ATF7IP2: variants seen among roughly 807,000 people sequenced by gnomAD.
ATF7IP2 encodes the protein activating transcription factor 7 interacting protein 2.
A neutral mutation model predicts 64.2 loss-of-function variants in ATF7IP2; 42 were observed. The ratio of observed to expected loss-of-function variants is 0.65; its 90% confidence interval spans 0.51 to 0.85. The LOEUF is 0.85. ATF7IP2 is among the 40% of genes least tolerant of loss of function. The pLI, the probability that ATF7IP2 is intolerant of heterozygous loss-of-function variation, is 0.00. For missense variants in ATF7IP2, 933 were observed against 784.2 expected (o/e 1.19, Z -2.27); for synonymous variants, 308 against 272.8 (o/e 1.13, Z -1.27).
At position 10,469,245 on chromosome 16, in the gene ATF7IP2, A is replaced by T. The variant is rs181014036; in HGVS notation, c.1353-2865A>T. Among the ~76,000 whole-genome samples, 9 of 152,284 alleles carry T rather than the reference A, an allele frequency of 5.9e-5. No individual in the cohort carries two copies. In the East Asian group the frequency reaches 1.5e-3, roughly 26 times the overall value. On this transcript the variant is annotated intron_variant, in intron 9 of 13. Coordinates refer to ENST00000562102, the MANE Select transcript of ATF7IP2 (RefSeq NM_001393719.1). ...TTGCCAATATATCAGTGAAAGAGGT[A>T]TAGAAAATGTTCAGTCTAAAGCATG... is the stretch of plus-strand genomic sequence containing the variant.
intron 1 of ATF7IP2, among the ~76,000 whole-genome samples, chr16:10,408,970 C>T (rs956828018): frequency 2.6e-5 from 4 of 152,166 alleles, no homozygotes; most frequent in African/African-American, 4.8e-5. Flanking sequence ...AACCAGCACT[C>T]GGGCAAAAGT....
intron 3 of ATF7IP2, among the ~76,000 whole-genome samples, chr16:10,422,824 C>A (rs1310495378): frequency 6.6e-6 from 1 of 152,234 alleles, no homozygotes. Context: ...ACATATGGCA[C>A]AATCAGGAGC....
At chr16:10,393,204 G>A (rs1234971194) in intron 1 of ATF7IP2, among the ~76,000 whole-genome samples, 1 of 151,578 alleles carries the variant, frequency 6.6e-6, no homozygotes, top group African/African-American at 2.4e-5. Flanking sequence ...CAGCTACTTG[G>A]GAGGCTGAGG....
At chr16:10,440,913 C>A (rs184325384) in intron 8 of ATF7IP2, among the ~76,000 whole-genome samples, 3 of 152,230 alleles carry the variant, frequency 2.0e-5, no homozygotes, top group African/African-American at 4.8e-5. Context: ...CTCCCCACCC[C>A]CTGACAGGCC....
rs2050086399 is a variant in ATF7IP2, at chr16:10,478,317, T to G, written c.1550-2562T>G. 2.6e-5 allele frequency among the ~76,000 whole-genome samples: 4 copies of G among 151,586 alleles called. No individual in the cohort carries two copies. The Middle Eastern group carries it at 0.01, about 387-fold the overall frequency. ...GTACCAAAACAGAGATATAGATCAATGGAACAGAACAGAGCCCTCAGAAAT... is the reference window on the plus strand; with the variant it reads ...GTACCAAAACAGAGATATAGATCAAGGGAACAGAACAGAGCCCTCAGAAAT... On this transcript the variant is annotated intron_variant, in intron 12 of 13. Coordinates refer to ENST00000562102, the MANE Select transcript of ATF7IP2 (RefSeq NM_001393719.1).
At chr16:10,394,599 T>C (rs1024519853) in intron 1 of ATF7IP2, among the ~76,000 whole-genome samples, 3 of 152,046 alleles carry the variant, frequency 2.0e-5, no homozygotes, top group African/African-American at 7.3e-5. Context: ...AGAACATCCA[T>C]CAATATAGTC....
intron 3 of ATF7IP2, among the ~76,000 whole-genome samples, chr16:10,424,188 G>A (rs912312839): frequency 3.3e-5 from 5 of 152,222 alleles, no homozygotes; most frequent in Non-Finnish European, 7.3e-5. Context: ...CTGGGTGGGC[G>A]AGGTGTTCCC....
intron 8 of ATF7IP2, chr16:10,445,336 TA>T (rs1410010698): frequency 6.6e-6 from 1 of 152,074 alleles, no homozygotes; most frequent in Non-Finnish European, 1.5e-5. Flanking sequence ...GGGACTGTGG[TA>T]GGGGGAGGAA....
chr16:10,438,311 G>GCAGC, intron 7 of ATF7IP2, 76 bp downstream of exon 7: 1 of 1,431,998 alleles, frequency 7.0e-7, no homozygotes, highest in Non-Finnish European at 9.3e-7. Context: ...GCTGCAGTAC[G>GCAGC]GTGGCTCACT....
intron 3 of ATF7IP2, among the ~76,000 whole-genome samples, chr16:10,422,518 C>T (rs2048006297): frequency 6.6e-6 from 1 of 152,176 alleles, no homozygotes; most frequent in Non-Finnish European, 1.5e-5. Flanking sequence ...CAGGTTGTCC[C>T]ATCAGGCCCT....
rs554061021 is a variant in ATF7IP2 at position 10,419,015 on chromosome 16, C to T, written c.-202-566C>T. Among the ~76,000 whole-genome samples, 3 of 152,350 alleles carry T rather than the reference C, an allele frequency of 2.0e-5. No homozygotes were observed. In the East Asian group the frequency reaches 5.8e-4, roughly 29 times the overall value. ...CTTAGGGGACCAATCAATAATGATT[C>T]CATGGGAATCGTTGCGCAGCACCTC... On this transcript the variant is annotated intron_variant, in intron 2 of 13. Transcript: ENST00000562102.
chr16:10,460,927 C>T (rs1213622255), intron 9 of ATF7IP2, among the ~76,000 whole-genome samples: 4 of 152,008 alleles, frequency 2.6e-5, no homozygotes, highest in African/African-American at 4.8e-5. Flanking sequence ...AGAAGATAAT[C>T]GCAGCACATA....
chr16:10,474,420 A>G lies in ATF7IP2; in HGVS notation c.1549+431A>G, dbSNP rs79801624. The stretch of plus-strand genomic sequence containing the variant: ...TTTATTCATAAACCCATTGAAAGAC[A>G]TCTGGCTTGTTGGGGACTTTTACAC... On this transcript the variant is annotated intron_variant, in intron 12 of 13. Transcript: ENST00000562102. Among the ~76,000 whole-genome samples the G allele has an allele frequency of 2.8e-3, 427 of 152,278 alleles. 4 individuals carry two copies. Among genetic ancestry groups the G allele is most frequent in the African/African-American group, 9.8e-3 (406 of 41,556 alleles).
intron 4 of ATF7IP2, among the ~76,000 whole-genome samples, chr16:10,430,259 G>A (rs950029023): frequency 2.0e-5 from 3 of 152,040 alleles, no homozygotes; most frequent in Non-Finnish European, 4.4e-5. Context: ...ATGAATAAGT[G>A]CAATTTAATG....
chr16:10,482,129 A>G lies in ATF7IP2; in HGVS notation c.1929A>G (p.Leu643=), dbSNP rs766945265. The G allele has an allele frequency of 2.5e-6, 4 of 1,614,106 alleles. No individual in the cohort carries two copies. The highest frequency in any genetic ancestry group is 3.4e-6 in the Non-Finnish European group (4 of 1,179,948). ...KALPLPMACT[L]SQFLASNRYY... The stretch of plus-strand genomic sequence containing the variant: ...TACCACTCCCCATGGCCTGTACTTT[A>G]TCTCAGTTTTTAGCTTCCAACAGAT... Residue 643 remains leucine (L), a synonymous_variant, in exon 14 of 14, where the codon TTA becomes TTG. Coordinates refer to ENST00000562102, the MANE Select transcript of ATF7IP2 (RefSeq NM_001393719.1).
Position 10,428,065 on chromosome 16 carries a change from A to G in ATF7IP2, c.-159-803A>G, listed in dbSNP as rs559229277. ...TTGCTCAACAACAAAATTAAACAGT[A>G]TATTTGTTTACATATGACATTTATG... is the stretch of plus-strand genomic sequence containing the variant. On this transcript the variant is annotated intron_variant, in intron 3 of 13. Transcript: ENST00000562102. Among the ~76,000 whole-genome samples, 4 of 152,330 alleles carry G rather than the reference A, an allele frequency of 2.6e-5. No individual in the cohort carries two copies. In the South Asian group the frequency reaches 6.2e-4, roughly 24 times the overall value.
chr16:10,431,059 C>T lies in ATF7IP2; in HGVS notation c.439C>T (p.His147Tyr). 6.2e-7 allele frequency: 1 copy of T among 1,614,128 alleles called. No individual in the cohort carries two copies. Among genetic ancestry groups the T allele is most frequent in the South Asian group, 1.1e-5 (1 of 91,078 alleles). ...SLNTSENDSE[H>Y]QTNVTRSLFE... ...GAACACTTCTGAAAACGATTCTGAG[C>T]ATCAGACAAATGTAACAAGATCCCT... is the stretch of plus-strand genomic sequence containing the variant. The change falls in exon 5 of 14, where the codon CAT becomes TAT. Residue 147 changes from histidine (H) to tyrosine (Y), a missense_variant. Coordinates refer to ENST00000562102, the MANE Select transcript of ATF7IP2 (RefSeq NM_001393719.1).
At chr16:10,386,887 C>T (rs1173798277) in intron 1 of ATF7IP2, 1 of 152,112 alleles carries the variant, frequency 6.6e-6, no homozygotes. Flanking sequence ...TAAAACCTTA[C>T]CGCACTTAAG....
At chr16:10,479,987 TTTTTTTTTTTTTTTGA>T (rs2050159854) in intron 12 of ATF7IP2, among the ~76,000 whole-genome samples, 1 of 88,358 alleles carries the variant, frequency 1.1e-5, no homozygotes, top group Admixed American at 1.2e-4. Context: ...TTTTTTTTTT[TTTTTTTTTTTTTTTGA>T]GACAGTCTTG....
Sources: allele counts gnomAD v4.1 joint callset (sites outside exome capture counted in the v4.1 genomes callset), GRCh38; gene constraint gnomAD v4.1.1; transcripts MANE v1.5; gene names NCBI Gene and HGNC (gene_info 2026-07-23, HGNC 2026-07-21).